Variants in FHIT observed in about 807,000 individuals in gnomAD.
The protein encoded by FHIT is bis(5'-adenosyl)-triphosphatase.
In FHIT, 19 loss-of-function variants were observed where a neutral mutation model predicts 17.9. The observed-to-expected ratio is 1.06, with a 90% CI of 0.74 to 1.56. The LOEUF is 1.56. Ranked by LOEUF, FHIT falls within the 40% of genes most tolerant of loss-of-function variation. FHIT has a pLI of 0.00. For missense variants in FHIT, 248 were observed against 189.2 expected (o/e 1.31, Z -1.82); for synonymous variants, 81 against 69.7 (o/e 1.16, Z -0.81).
intron 8 of FHIT, among the ~76,000 whole-genome samples, chr3:59,909,223 G>A (rs980999771): frequency 1.3e-5 from 2 of 151,894 alleles, no homozygotes; most frequent in Non-Finnish European, 2.9e-5. Flanking sequence ...TAGTAGAGAT[G>A]AGGCTTCACC....
chr3:59,837,235 G>A (rs985468792), intron 8 of FHIT, among the ~76,000 whole-genome samples: 1 of 152,076 alleles, frequency 6.6e-6, no homozygotes, highest in Non-Finnish European at 1.5e-5. Flanking sequence ...GTATCTATGG[G>A]AAATTGGTTC....
intron 4 of FHIT, among the ~76,000 whole-genome samples, chr3:60,726,614 C>G (rs1301930466): frequency 6.6e-6 from 1 of 152,146 alleles, no homozygotes; most frequent in African/African-American, 2.4e-5. Flanking sequence ...GTTTAATTCT[C>G]TTTCCCTATA....
intron 2 of FHIT, among the ~76,000 whole-genome samples, chr3:61,067,508 G>T (rs13093251): frequency 0.52 from 78,405 of 151,464 alleles, 21,908 homozygotes; most frequent in Non-Finnish European, 0.64. Context: ...CTGAGCCTTG[G>T]TGTCCATGAT....
intron 5 of FHIT, among the ~76,000 whole-genome samples, chr3:60,073,925 G>T (rs527648236): frequency 6.6e-6 from 1 of 152,232 alleles, no homozygotes; most frequent in East Asian, 1.9e-4. Context: ...TTAGATTGTT[G>T]TTCAGTAAAT....
rs146713182 is a variant in FHIT at position 59,749,116 on chromosome 3, T to G, written c.*469A>C. Among the ~76,000 whole-genome samples the G allele has an allele frequency of 6.6e-6, 1 of 152,322 alleles. No individual in the cohort carries two copies. The highest frequency in any genetic ancestry group is 2.4e-5 in the African/African-American group (1 of 41,580). Reference sequence around the variant, plus strand: ...ATGTCCAAATATTTCATAATTGCCCTATTTACTAACACATTTCAGGGGTTT... The same window carrying G: ...ATGTCCAAATATTTCATAATTGCCCGATTTACTAACACATTTCAGGGGTTT... On this transcript the variant is annotated 3_prime_UTR_variant, in exon 10 of 10. Coordinates refer to ENST00000492590, the MANE Select transcript of FHIT (RefSeq NM_002012.4).
chr3:60,684,902 A>T (rs2040828358), intron 4 of FHIT, among the ~76,000 whole-genome samples: 1 of 152,174 alleles, frequency 6.6e-6, no homozygotes, highest in African/African-American at 2.4e-5. Context: ...TTTTGAGCTT[A>T]AAGACACTTG....
At chr3:60,136,493 A>G (rs541303305) in intron 5 of FHIT, among the ~76,000 whole-genome samples, 1 of 152,218 alleles carries the variant, frequency 6.6e-6, no homozygotes, top group Non-Finnish European at 1.5e-5. Context: ...CATACCACAT[A>G]ATGCTGAAAT....
chr3:60,357,727 T>C (rs1576530962), intron 5 of FHIT, among the ~76,000 whole-genome samples: 1 of 152,202 alleles, frequency 6.6e-6, no homozygotes, highest in Non-Finnish European at 1.5e-5. Flanking sequence ...ACTTTCATAT[T>C]GATACACATA....
Position 60,545,981 on chromosome 3 carries a change from A to G in FHIT, c.-17-9002T>C, listed in dbSNP as rs185558103. Among the ~76,000 whole-genome samples, 6 of 152,308 alleles carry G rather than the reference A, an allele frequency of 3.9e-5. No individual in the cohort carries two copies. The East Asian group carries it at 1.2e-3, about 29-fold the overall frequency. On this transcript the variant is annotated intron_variant, in intron 4 of 9. Coordinates refer to ENST00000492590, the MANE Select transcript of FHIT (RefSeq NM_002012.4). The stretch of plus-strand genomic sequence containing the variant: ...GTTTTCTGTACCTCAAAGCTACATT[A>G]CTACATGTGGATATGTTCCTATTCA...
chr3:61,066,744 A>G (rs2034624802), intron 2 of FHIT, among the ~76,000 whole-genome samples: 1 of 152,340 alleles, frequency 6.6e-6, no homozygotes, highest in South Asian at 2.1e-4. Flanking sequence ...TAGTTAGTGT[A>G]CCCCTGAAAG....
At chr3:60,373,318 G>A (rs778444491) in intron 5 of FHIT, among the ~76,000 whole-genome samples, 2 of 152,164 alleles carry the variant, frequency 1.3e-5, no homozygotes, top group African/African-American at 4.8e-5. Context: ...TTGAAGCTAA[G>A]ATATAAAGAA....
intron 4 of FHIT, among the ~76,000 whole-genome samples, chr3:60,733,247 T>C (rs1463805809): frequency 3.9e-5 from 6 of 152,178 alleles, no homozygotes; most frequent in African/African-American, 1.4e-4. Flanking sequence ...TCTTGCCAAC[T>C]AGGAATTCAG....
intron 5 of FHIT, among the ~76,000 whole-genome samples, chr3:60,039,776 T>C (rs1332036162): frequency 6.6e-6 from 1 of 152,178 alleles, no homozygotes; most frequent in Non-Finnish European, 1.5e-5. Flanking sequence ...CAATGGAAGA[T>C]CTTAGAACCA....
At chr3:60,180,200 T>C (rs213421) in intron 5 of FHIT, among the ~76,000 whole-genome samples, 74,973 of 151,972 alleles carry the variant, frequency 0.49, 19,347 homozygotes, top group Non-Finnish European at 0.57. Context: ...GAAGTGATTT[T>C]TAACTAGGAA....
chr3:60,859,577 C>T (rs1553750820), intron 3 of FHIT, among the ~76,000 whole-genome samples: 1 of 151,896 alleles, frequency 6.6e-6, no homozygotes, highest in East Asian at 1.9e-4. Flanking sequence ...AGACTCTACT[C>T]CTCACTCTCC....
In FHIT at chr3:61,007,676, A is replaced by G. The variant is rs78115660; in HGVS notation, c.-111+34371T>C. 4.5e-3 allele frequency among the ~76,000 whole-genome samples: 690 copies of G among 152,144 alleles called. 4 individuals carry two copies. Among genetic ancestry groups the G allele is most frequent in the African/African-American group, 0.016 (675 of 41,514 alleles). ...GTTCCCTTATGCATGCAAATGCCCT[A>G]TGCGACTACAGAATGTGTTCCCTAC... On this transcript the variant is annotated intron_variant, in intron 3 of 9. Transcript: ENST00000492590.
intron 5 of FHIT, among the ~76,000 whole-genome samples, chr3:60,207,578 C>A (rs1447647593): frequency 5.3e-5 from 8 of 152,096 alleles, no homozygotes; most frequent in African/African-American, 1.9e-4. Context: ...ACCCCACAGT[C>A]CCCCCGCCGA....
intron 3 of FHIT, among the ~76,000 whole-genome samples, chr3:61,030,138 T>G (rs2032940482): frequency 1.3e-5 from 2 of 152,026 alleles, no homozygotes. Context: ...CCTGGCTAAT[T>G]TTTCTATTTT....
chr3:59,970,105 CCT>C (rs1351362670), intron 7 of FHIT, among the ~76,000 whole-genome samples: 3 of 152,010 alleles, frequency 2.0e-5, no homozygotes, highest in African/African-American at 7.2e-5. Context: ...GCTAACACTA[CCT>C]CTTTCCCAAG....
Sources: allele counts gnomAD v4.1 joint callset (sites outside exome capture counted in the v4.1 genomes callset), GRCh38; gene constraint gnomAD v4.1.1; transcripts MANE v1.5; gene names NCBI Gene and HGNC (gene_info 2026-07-23, HGNC 2026-07-21).